TEDC2: variants seen among roughly 807,000 people sequenced by gnomAD.
TEDC2 encodes tubulin epsilon and delta complex 2, also known as tubulin epsilon and delta complex protein 2.
Under a neutral mutation model 48.1 loss-of-function variants are expected in TEDC2, and 49 were observed. The observed-to-expected ratio is 1.02, with a 90% CI of 0.81 to 1.29. The LOEUF is 1.29. Among genes scored for constraint, TEDC2 ranks in the 50% most tolerant of loss-of-function variants. The probability of loss-of-function intolerance (pLI) is 0.00; values close to 1 mark genes in which losing one functional copy is unlikely to be tolerated. For missense variants in TEDC2, 631 were observed against 571.4 expected (o/e 1.10, Z -1.06); for synonymous variants, 299 against 247.1 (o/e 1.21, Z -1.97).
intron 5 of TEDC2, 137 bp downstream of exon 5, chr16:2,461,937 T>C: frequency 5.5e-6 from 7 of 1,263,408 alleles, no homozygotes; most frequent in Non-Finnish European, 6.8e-6. Flanking sequence ...ATGTTAAAAA[T>C]CTGCCAGCCG....
intron 2 of TEDC2, 24 bp from the exon 3 acceptor site, chr16:2,460,599 C>G (rs2065459740): frequency 1.9e-6 from 3 of 1,611,806 alleles, no homozygotes; most frequent in Admixed American, 1.7e-5. Context: ...CCTGGCCGTG[C>G]GACGGCTGCC....
intron 8 of TEDC2, among the ~76,000 whole-genome samples, chr16:2,463,655 C>G (rs924036972): frequency 1.3e-5 from 2 of 151,586 alleles, no homozygotes; most frequent in Non-Finnish European, 2.9e-5. Context: ...GAAAGTAGCT[C>G]GTGAGAATCA....
Position 2,461,166 on chromosome 16 carries a change from C to T in TEDC2, c.547C>T (p.Gln183Ter). Residue 183 changes from glutamine (Q) to a stop codon, truncating the protein, a stop_gained, in exon 4 of 10, where the codon CAA becomes TAA. Transcript: ENST00000361837. LOFTEE classifies it high-confidence loss of function. Reference protein sequence around the residue: ...PRPGAGLRDQQMAPSAAPQAP... With the variant: ...PRPGAGLRDQ ...GCCTGGGGCGGGCCTCAGGGACCAG[C>T]AAATGGCCCCATCCGCTGCTCCTCA... 1 of 1,519,604 alleles carries T rather than the reference C, an allele frequency of 6.6e-7. No homozygotes were observed. 94.1% of individuals were successfully genotyped at this position (1,519,604 alleles called of 1,614,324 possible). A position where few individuals can be genotyped will look rare whatever the true frequency, so the allele number is the denominator to read the frequency against.
intron 8 of TEDC2, among the ~76,000 whole-genome samples, chr16:2,463,404 A>C (rs939538627): frequency 1.3e-5 from 2 of 152,124 alleles, no homozygotes; most frequent in South Asian, 4.1e-4. Flanking sequence ...AGGCAGGCGG[A>C]TCATTTGAGG....
intron 8 of TEDC2, among the ~76,000 whole-genome samples, chr16:2,463,714 G>A (rs527259777): frequency 1.3e-5 from 2 of 152,044 alleles, no homozygotes; most frequent in African/African-American, 4.8e-5. Context: ...GTTATTTATA[G>A]AACTTGTTTC....
At chr16:2,461,981 T>A (rs1285345542) in intron 5 of TEDC2, among the ~76,000 whole-genome samples, 168 bp from the exon 6 acceptor site, 4 of 152,202 alleles carry the variant, frequency 2.6e-5, no homozygotes, top group Non-Finnish European at 5.9e-5. Flanking sequence ...GTCAGTGTCC[T>A]CTTGGTTCCC....
At position 2,460,344 on chromosome 16, in the gene TEDC2, C is replaced by T. The variant is rs747552267; in HGVS notation, c.88C>T (p.Gln30Ter). 4 of 1,543,894 alleles carry T rather than the reference C, an allele frequency of 2.6e-6. No individual in the cohort carries two copies. In the South Asian group the frequency reaches 4.8e-5, roughly 18 times the overall value. ...ACAQRQLQLE[Q>*]SLRVCRRLLH... ...CGCACAGCGACAATTGCAATTGGAG[C>T]AGAGCCTGCGCGTTTGCCGTCGGCT... Residue 30 changes from glutamine to a stop codon, truncating the protein, a stop_gained, in exon 2 of 10, where the codon CAG (glutamine) becomes TAG (stop). Coordinates refer to ENST00000361837, the MANE Select transcript of TEDC2 (RefSeq NM_025108.3). LOFTEE classifies it high-confidence loss of function.
chr16:2,461,576 G>A (rs979289567), intron 4 of TEDC2, 171 bp from the exon 5 acceptor site: 7 of 759,108 alleles, frequency 9.2e-6, no homozygotes, highest in African/African-American at 5.3e-5. Context: ...ACTGGACGAT[G>A]CTTCTCCTAT....
rs2065483953 is a variant in TEDC2 at position 2,464,058 on chromosome 16, A to G, written c.984A>G (p.Pro328=). 1 of 1,612,554 alleles carries G rather than the reference A, an allele frequency of 6.2e-7. No homozygotes were observed. The highest frequency in any genetic ancestry group is 1.3e-5 in the African/African-American group (1 of 74,920). Residue 328 remains proline, a synonymous_variant, in exon 9 of 10, where the codon CCA becomes CCG. Transcript: ENST00000361837. ...ELRAAVAEQP[P]RPCPVGRPPG... ...ACACAGCGGTGGCGGAACAGCCACC[A>G]AGACCATGTCCTGTGGGGAGGCCCC...
At position 2,464,628 on chromosome 16, in the gene TEDC2, C is replaced by T; in HGVS notation, c.1262C>T (p.Ala421Val). 6.2e-7 allele frequency: 1 copy of T among 1,612,842 alleles called. No homozygotes were observed. Among genetic ancestry groups the T allele is most frequent in the Non-Finnish European group, 8.5e-7 (1 of 1,179,974 alleles). The change falls in exon 10 of 10, where the codon GCA (alanine) becomes GTA (valine). Residue 421 changes from alanine (A) to valine (V), a missense_variant. Transcript: ENST00000361837. Reference protein sequence around the residue: ...AVHSLLCEGGARVLTILRDEP... With the variant: ...AVHSLLCEGGVRVLTILRDEP... The stretch of plus-strand genomic sequence containing the variant: ...CACAGCCTGCTCTGCGAGGGAGGAG[C>T]ACGTGTCCTTACCATCCTGCGGGAT...
In TEDC2 at chr16:2,464,292, G is replaced by T. The variant is rs1186117650; in HGVS notation, c.1155+63G>T. 3 of 1,552,258 alleles carry T rather than the reference G, an allele frequency of 1.9e-6. No homozygotes were observed. In the African/African-American group the frequency reaches 4.1e-5, roughly 21 times the overall value. Reference sequence around the variant, plus strand: ...CCGCAGCCTTGAGGACCCGAGGGTAGGGGCTTGACTGCTCCACCCCCCAGG... The same window carrying T: ...CCGCAGCCTTGAGGACCCGAGGGTATGGGCTTGACTGCTCCACCCCCCAGG... On this transcript the variant is annotated intron_variant, in intron 9 of 9. Coordinates refer to ENST00000361837, the MANE Select transcript of TEDC2 (RefSeq NM_025108.3).
In TEDC2 at chr16:2,462,144, C is replaced by G; in HGVS notation, c.660-5C>G. 6.2e-7 allele frequency: 1 copy of G among 1,612,876 alleles called. No individual in the cohort carries two copies. Among genetic ancestry groups the G allele is most frequent in the Non-Finnish European group, 8.5e-7 (1 of 1,179,962 alleles). ...TCCTCTGTGCACCCCACGTGTGCAC[C>G]CCAGCCTGTGGGCCCAGCTCAGTTC... is the stretch of plus-strand genomic sequence containing the variant. On this transcript the variant is annotated splice_polypyrimidine_tract_variant and splice_region_variant and intron_variant, in intron 5 of 9. Coordinates refer to ENST00000361837, the MANE Select transcript of TEDC2 (RefSeq NM_025108.3).
At chr16:2,461,860 CGG>C in intron 5 of TEDC2, 60 bp downstream of exon 5, 1 of 1,587,912 alleles carries the variant, frequency 6.3e-7, no homozygotes. Context: ...ATCACCAGCT[CGG>C]GGACAGGTTC....
At position 2,461,757 on chromosome 16, in the gene TEDC2, C is replaced by T. The variant is rs546945646; in HGVS notation, c.616C>T (p.Arg206Trp). 3.8e-5 allele frequency: 61 copies of T among 1,613,226 alleles called. No individual in the cohort carries two copies. Among genetic ancestry groups the T allele is most frequent in the Middle Eastern group, 1.6e-4 (1 of 6,062 alleles). The change falls in exon 5 of 10, where the codon CGG (arginine) becomes TGG (tryptophan). Residue 206 changes from arginine to tryptophan, a missense_variant. Coordinates refer to ENST00000361837, the MANE Select transcript of TEDC2 (RefSeq NM_025108.3). ...FTLKEKGHLL[R>W]LPAAFRKAAS... ...GGGCTTCTCCGACAGGCACCTGCTG[C>T]GGCTGCCTGCGGCATTCAGGAAAGC...
At position 2,461,810 on chromosome 16, in the gene TEDC2, AG is replaced by A. The variant is rs778482833; in HGVS notation, c.659+12del. 4.3e-6 allele frequency: 7 copies of A among 1,613,448 alleles called. 1 individual carries two copies. In the Admixed American group the frequency reaches 1.2e-4, roughly 27 times the overall value. On this transcript the variant is annotated intron_variant, in intron 5 of 9. Transcript: ENST00000361837. ...CTTCCCAGAACTCGAGGTGAGGCTG[AG>A]GTCTTTGGCTGGACGGGGGTAGGGG...
rs761152659 is a variant in TEDC2, at chr16:2,462,469, C to T, written c.805C>T (p.Arg269Cys). Residue 269 changes from arginine (R) to cysteine (C), a missense_variant, in exon 7 of 10, where the codon CGC (arginine) becomes TGC (cysteine). By Grantham distance (180) the Arg-to-Cys change is radical (BLOSUM62 -3). Coordinates refer to ENST00000361837, the MANE Select transcript of TEDC2 (RefSeq NM_025108.3). ...SAVEVEAEAG[R>C]LRKACSLLRL... The stretch of plus-strand genomic sequence containing the variant: ...TGTGGAGGTGGAGGCGGAGGCGGGG[C>T]GCCTGCGGAAGGCCTGCTCGCTGCT... 1.2e-5 allele frequency: 20 copies of T among 1,610,562 alleles called. No homozygotes were observed. The highest frequency in any genetic ancestry group is 1.8e-4 in the Middle Eastern group (1 of 5,692).
In TEDC2 at chr16:2,462,134, A is replaced by G. The variant is rs1352377500; in HGVS notation, c.660-15A>G. ...CCTCTGTGGTTCCTCTGTGCACCCC[A>G]CGTGTGCACCCCAGCCTGTGGGCCC... On this transcript the variant is annotated splice_polypyrimidine_tract_variant and intron_variant, in intron 5 of 9. Transcript: ENST00000361837. 1 of 1,607,092 alleles carries G rather than the reference A, an allele frequency of 6.2e-7. No individual in the cohort carries two copies. The highest frequency in any genetic ancestry group is 8.5e-7 in the Non-Finnish European group (1 of 1,175,044).
chr16:2,464,720 C>T lies in TEDC2; in HGVS notation c.*52C>T. 1 of 1,606,958 alleles carries T rather than the reference C, an allele frequency of 6.2e-7. No individual in the cohort carries two copies. Among genetic ancestry groups the T allele is most frequent in the South Asian group, 1.1e-5 (1 of 90,358 alleles). ...TTCAGATGGGGATTGGGGGTGTCTT[C>T]CCTGGCACTGTGCTCGGGGACCCAG... On this transcript the variant is annotated 3_prime_UTR_variant, in exon 10 of 10. Coordinates refer to ENST00000361837, the MANE Select transcript of TEDC2 (RefSeq NM_025108.3).
intron 6 of TEDC2, 33 bp downstream of exon 6, chr16:2,462,272 G>A (rs1217257918): frequency 6.2e-7 from 1 of 1,610,438 alleles, no homozygotes; most frequent in Non-Finnish European, 8.5e-7. Context: ...AGCCCTGGGG[G>A]CCTCTAGCTC....
Sources: allele counts gnomAD v4.1 joint callset (sites outside exome capture counted in the v4.1 genomes callset), GRCh38; gene constraint gnomAD v4.1.1; transcripts MANE v1.5; gene names NCBI Gene and HGNC (gene_info 2026-07-23, HGNC 2026-07-21).